IL1RAPL1: variants seen among roughly 807,000 people sequenced by gnomAD.
The protein encoded by IL1RAPL1 is interleukin 1 receptor accessory protein like 1, also known as interleukin-1 receptor accessory protein-like 1.
A neutral mutation model predicts 48.4 loss-of-function variants in IL1RAPL1; 3 were observed. The observed-to-expected ratio is 0.06, with a 90% CI of 0.03 to 0.16. The LOEUF is 0.16. IL1RAPL1 is among the 10% of genes least tolerant of loss of function. The pLI, the probability that IL1RAPL1 is intolerant of heterozygous loss-of-function variation, is 1.00. For missense variants in IL1RAPL1, 349 were observed against 530.6 expected (o/e 0.66, Z 3.36); for synonymous variants, 185 against 187.7 (o/e 0.99, Z 0.12).
At chrX:28,623,271 G>A (rs947976551) in intron 1 of IL1RAPL1, among the ~76,000 whole-genome samples, 9 of 111,280 alleles carry the variant, frequency 8.1e-5, no homozygotes, top group Non-Finnish European at 1.5e-4. Flanking sequence ...TGCATCCTTC[G>A]TCCTTGTCAC....
chrX:29,461,546 C>T (rs1450976954), intron 5 of IL1RAPL1, among the ~76,000 whole-genome samples: 2 of 111,312 alleles, frequency 1.8e-5, no homozygotes, highest in Admixed American at 9.6e-5. Context: ...CATGTTTATA[C>T]AAACACTTGT....
chrX:29,814,933 G>A (rs960556173), intron 6 of IL1RAPL1, among the ~76,000 whole-genome samples: 9 of 110,979 alleles, frequency 8.1e-5, no homozygotes, highest in Admixed American at 1.9e-4. Context: ...CTGTTCCATT[G>A]GTCTATGTGT....
At chrX:29,518,410 T>C (rs776273666) in intron 5 of IL1RAPL1, among the ~76,000 whole-genome samples, 6 of 110,720 alleles carry the variant, frequency 5.4e-5, no homozygotes, top group African/African-American at 1.6e-4. Flanking sequence ...GGGAGCACAG[T>C]TTGAGTAGCA....
At chrX:29,029,255 G>C (rs1047011710) in intron 2 of IL1RAPL1, among the ~76,000 whole-genome samples, 2 of 111,055 alleles carry the variant, frequency 1.8e-5, no homozygotes, top group Admixed American at 1.9e-4. Flanking sequence ...TTTGGGTGGG[G>C]ACACAGCCAA....
chrX:29,271,052 T>C (rs1176595390), intron 2 of IL1RAPL1, among the ~76,000 whole-genome samples: 1 of 111,681 alleles, frequency 9.0e-6, no homozygotes, highest in East Asian at 2.8e-4. Context: ...TCTGTTGTTC[T>C]ATTCTTTGTA....
At chrX:28,924,211 A>G (rs1923683016) in intron 2 of IL1RAPL1, 1 of 112,389 alleles carries the variant, frequency 8.9e-6, no homozygotes, top group South Asian at 3.6e-4. Flanking sequence ...GTTAGTCTAC[A>G]TGATAACATT....
chrX:29,856,158 G>C (rs1027553350), intron 6 of IL1RAPL1, among the ~76,000 whole-genome samples: 4 of 111,576 alleles, frequency 3.6e-5, no homozygotes, highest in Non-Finnish European at 5.7e-5. Context: ...TTGAGAAACT[G>C]CTCTTTCATC....
chrX:28,623,741 G>T (rs1318163016), intron 1 of IL1RAPL1, among the ~76,000 whole-genome samples: 1 of 111,785 alleles, frequency 8.9e-6, no homozygotes, highest in Non-Finnish European at 1.9e-5. Flanking sequence ...CAATTGCAAA[G>T]TCCTGTGTTC....
chrX:28,846,579 C>A (rs1235966298), intron 2 of IL1RAPL1, among the ~76,000 whole-genome samples: 1 of 111,297 alleles, frequency 9.0e-6, no homozygotes. Flanking sequence ...CGTATTCTTG[C>A]CAGCATTTTG....
chrX:29,756,384 A>T (rs1928615498), intron 6 of IL1RAPL1, among the ~76,000 whole-genome samples: 1 of 111,624 alleles, frequency 9.0e-6, no homozygotes, highest in Non-Finnish European at 1.9e-5. Context: ...TTATTGTATT[A>T]TTTGAATTAT....
chrX:28,922,989 T>A (rs1474048907), intron 2 of IL1RAPL1, among the ~76,000 whole-genome samples: 1 of 112,023 alleles, frequency 8.9e-6, no homozygotes, highest in African/African-American at 3.2e-5. Context: ...GGAGTAAATT[T>A]ACTTTTACTT....
At chrX:28,913,837 A>G (rs1923421218) in intron 2 of IL1RAPL1, among the ~76,000 whole-genome samples, 1 of 112,101 alleles carries the variant, frequency 8.9e-6, no homozygotes, top group Admixed American at 9.5e-5. Flanking sequence ...AGCTCTGGCT[A>G]TATGACTTCC....
intron 3 of IL1RAPL1, among the ~76,000 whole-genome samples, chrX:29,381,830 AAAAATATATATATATAT>A (rs1235340278): frequency 1.4e-3 from 45 of 32,615 alleles, no homozygotes; most frequent in African/African-American, 3.4e-3. Flanking sequence ...AAAAAAAAAA[AAAAATATATATATATAT>A]ATATATATAT....
At chrX:29,796,209 G>T (rs779472957) in intron 6 of IL1RAPL1, among the ~76,000 whole-genome samples, 1 of 112,169 alleles carries the variant, frequency 8.9e-6, no homozygotes, top group South Asian at 3.7e-4. Flanking sequence ...TAAGGTGAAA[G>T]GTTCAGAATA....
chrX:28,859,420 C>T (rs1011000302), intron 2 of IL1RAPL1, among the ~76,000 whole-genome samples: 8 of 111,254 alleles, frequency 7.2e-5, no homozygotes, highest in Non-Finnish European at 1.3e-4. Context: ...CCACTACGCA[C>T]AGCTAATTTT....
At chrX:29,203,540 G>A in intron 2 of IL1RAPL1, among the ~76,000 whole-genome samples, 1 of 108,874 alleles carries the variant, frequency 9.2e-6, no homozygotes, top group Non-Finnish European at 1.9e-5. Flanking sequence ...GACCAACATG[G>A]AGAAACCCCG....
intron 5 of IL1RAPL1, among the ~76,000 whole-genome samples, chrX:29,599,588 A>G (rs890497236): frequency 8.9e-6 from 1 of 112,288 alleles, no homozygotes; most frequent in Non-Finnish European, 1.9e-5. Flanking sequence ...GGAAGTTTTC[A>G]TTGATTATTT....
At chrX:29,327,366 C>A (rs1263531685) in intron 3 of IL1RAPL1, among the ~76,000 whole-genome samples, 3 of 108,884 alleles carry the variant, frequency 2.8e-5, no homozygotes, top group Non-Finnish European at 5.7e-5. Context: ...AATCTTTTAA[C>A]TTTCAGGGCT....
chrX:28,867,107 C>A (rs1348465697), intron 2 of IL1RAPL1, among the ~76,000 whole-genome samples: 1 of 110,869 alleles, frequency 9.0e-6, no homozygotes, highest in Non-Finnish European at 1.9e-5. Flanking sequence ...TGGAAAATGA[C>A]CTGCAAAATC....
Sources: gnomAD v4.1 joint callset for allele counts (sites outside exome capture counted in the v4.1 genomes callset) on GRCh38, gnomAD v4.1.1 for gene constraint, MANE v1.5 for transcripts, NCBI Gene and HGNC (gene_info 2026-07-23, HGNC 2026-07-21) for gene names.